Variants in IARS1 observed in about 807,000 individuals in gnomAD.
The protein encoded by IARS1 is isoleucyl-tRNA synthetase 1.
Under a neutral mutation model 168.2 loss-of-function variants are expected in IARS1, and 124 were observed. The observed-to-expected ratio is 0.74, with a 90% CI of 0.64 to 0.86. IARS1 has a LOEUF of 0.86. IARS1 is among the 40% of genes least tolerant of loss of function. IARS1 has a pLI of 0.00. For missense variants in IARS1, 1,452 were observed against 1,515.8 expected (o/e 0.96, Z 0.70); for synonymous variants, 532 against 529.4 (o/e 1.00, Z -0.07).
chr9:92,247,053 G>A (rs1178919618), intron 26 of IARS1, among the ~76,000 whole-genome samples: 3 of 152,038 alleles, frequency 2.0e-5, no homozygotes, highest in Non-Finnish European at 4.4e-5. Context: ...AATTAGCCAG[G>A]CATGGTACTA....
At chr9:92,234,007 T>C (rs1185851172) in intron 30 of IARS1, among the ~76,000 whole-genome samples, 1 of 152,196 alleles carries the variant, frequency 6.6e-6, no homozygotes, top group African/African-American at 2.4e-5. Context: ...GTAATCCTCC[T>C]GCCTAAGCCT....
intron 30 of IARS1, chr9:92,240,557 GC>G: frequency 1.6e-6 from 1 of 639,598 alleles, no homozygotes; most frequent in Non-Finnish European, 2.8e-6. Flanking sequence ...ACCATGCCTG[GC>G]CCTTTTTTTT....
intron 9 of IARS1, among the ~76,000 whole-genome samples, chr9:92,277,293 A>G (rs1190247755): frequency 1.3e-5 from 2 of 152,016 alleles, no homozygotes; most frequent in African/African-American, 2.4e-5. Flanking sequence ...CAAAAATTAC[A>G]GCATGCCTGT....
intron 21 of IARS1, among the ~76,000 whole-genome samples, chr9:92,252,631 G>A (rs1830165861): frequency 6.6e-6 from 1 of 151,724 alleles, no homozygotes. Flanking sequence ...GCCAGGCGTG[G>A]TGGTGCACAC....
intron 33 of IARS1, among the ~76,000 whole-genome samples, chr9:92,220,422 A>T (rs546878978): frequency 1.3e-5 from 2 of 152,020 alleles, no homozygotes; most frequent in South Asian, 4.1e-4. Flanking sequence ...TATAATAATA[A>T]TAAAAATAAT....
chr9:92,222,524 C>A lies in IARS1; in HGVS notation c.3702G>T (p.Thr1234=), dbSNP rs763687468. ...TACGGTCCACAATCTCCTTACCCTG[C>A]GTTTGGGTCTCATTCAGAAACAGCT... ...KLKLFLNETQ[T]QEITEDIPVK... is the part of the protein sequence containing the mutation. Residue 1234 remains threonine, a synonymous_variant, in exon 33 of 34, where the codon ACG becomes ACT. Coordinates refer to ENST00000443024, the MANE Select transcript of IARS1 (RefSeq NM_002161.6). The A allele has an allele frequency of 1.9e-6, 3 of 1,613,508 alleles. No homozygotes were observed. Among genetic ancestry groups the A allele is most frequent in the East Asian group, 2.2e-5 (1 of 44,872 alleles).
At position 92,210,559 on chromosome 9, in the gene IARS1, C is replaced by T. The variant is rs1179815520; in HGVS notation, c.*248G>A. On this transcript the variant is annotated 3_prime_UTR_variant, in exon 34 of 34. Coordinates refer to ENST00000443024, the MANE Select transcript of IARS1 (RefSeq NM_002161.6). The stretch of plus-strand genomic sequence containing the variant: ...CTCAAGTATAGAAATAAACTGTGGG[C>T]TGAAGTAACATTGTAACCTGCTCCC... 1 of 364,930 alleles carries T rather than the reference C, an allele frequency of 2.7e-6. No individual in the cohort carries two copies. Among genetic ancestry groups the T allele is most frequent in the Admixed American group, 4.2e-5 (1 of 23,866 alleles). 22.6% of individuals were successfully genotyped at this position (364,930 alleles called of 1,614,324 possible).
intron 6 of IARS1, among the ~76,000 whole-genome samples, 156 bp downstream of exon 6, chr9:92,285,566 C>A (rs1040245524): frequency 6.6e-6 from 1 of 152,166 alleles, no homozygotes; most frequent in African/African-American, 2.4e-5. Flanking sequence ...TACTAACTGG[C>A]AATATTTCCA....
intron 2 of IARS1, 49 bp from the exon 3 acceptor site, chr9:92,288,331 T>G: frequency 6.4e-7 from 1 of 1,558,600 alleles, no homozygotes; most frequent in Non-Finnish European, 8.8e-7. Context: ...AGCCAAAATT[T>G]AAGGCATTTT....
Position 92,288,148 on chromosome 9 carries a change from C to T in IARS1, c.254G>A (p.Trp85Ter). 6.2e-7 allele frequency: 1 copy of T among 1,613,930 alleles called. No individual in the cohort carries two copies. The highest frequency in any genetic ancestry group is 8.5e-7 in the Non-Finnish European group (1 of 1,179,942). ...TACCACAGGTAAGCCATGGCAATCC[C>T]ATCCAAATCTTCTGTCAACATGAAA... ...SGFHVDRRFG[W>*]DCHGLPVEYE... Residue 85 changes from tryptophan to a stop codon, truncating the protein, a stop_gained, in exon 3 of 34, where the codon TGG becomes TAG. Transcript: ENST00000443024. LOFTEE classifies it high-confidence loss of function.
In IARS1 at chr9:92,250,900, T is replaced by C. The variant is rs1464949810; in HGVS notation, c.2308-66A>G. The C allele has an allele frequency of 6.0e-6, 9 of 1,507,122 alleles. No individual in the cohort carries two copies. The African/African-American group carries it at 1.1e-4, about 19-fold the overall frequency. 93.4% of individuals were successfully genotyped at this position (1,507,122 alleles called of 1,614,324 possible). A position where few individuals can be genotyped will look rare whatever the true frequency, so the allele number is the denominator to read the frequency against. On this transcript the variant is annotated intron_variant, in intron 22 of 33. Transcript: ENST00000443024. The stretch of plus-strand genomic sequence containing the variant: ...CATCAACAACTGATCTCATTTATAC[T>C]GAGAAACAACTAAACATGTTAGAGA...
rs750709544 is a variant in IARS1 at position 92,242,315 on chromosome 9, T to G, written c.3016A>C (p.Thr1006Pro). 2.5e-6 allele frequency: 4 copies of G among 1,612,584 alleles called. No homozygotes were observed. Among genetic ancestry groups the G allele is most frequent in the Middle Eastern group, 1.6e-4 (1 of 6,074 alleles). ...TTATAGTACACTGTGATTTCATCAG[T>G]TGGAACCAGATTGCACTGAAAACAC... ...KLRKKCNLVP[T>P]DEITVYYKAK... Residue 1006 changes from threonine to proline, a missense_variant, in exon 29 of 34, where the codon ACT becomes CCT. By Grantham distance (38) the Thr-to-Pro change is conservative. Transcript: ENST00000443024.
At chr9:92,260,099 T>C in intron 18 of IARS1, 52 bp downstream of exon 18, 1 of 1,194,118 alleles carries the variant, frequency 8.4e-7, no homozygotes, top group South Asian at 1.2e-5. Context: ...GTATAGGAGA[T>C]GCTTACATAA....
chr9:92,221,425 T>C lies in IARS1; in HGVS notation c.3706+1095A>G, dbSNP rs138760188. 4.6e-5 allele frequency among the ~76,000 whole-genome samples: 7 copies of C among 152,310 alleles called. No individual in the cohort carries two copies. The East Asian group carries it at 9.6e-4, about 21-fold the overall frequency. On this transcript the variant is annotated intron_variant, in intron 33 of 33. Transcript: ENST00000443024. ...ATAAAAGGATGGGATGGTAAAAGTC[T>C]TGAATTGAGATGTCAAGAATGGGTA...
At chr9:92,280,984 A>G in intron 6 of IARS1, 91 bp from the exon 7 acceptor site, 1 of 831,884 alleles carries the variant, frequency 1.2e-6, no homozygotes, top group African/African-American at 1.7e-5. Flanking sequence ...GAATAAAATA[A>G]ATCTTCAGGG....
chr9:92,289,501 G>T lies in IARS1; in HGVS notation c.-7-75C>A, dbSNP rs1835981962. 8.1e-6 allele frequency: 6 copies of T among 738,592 alleles called. No individual in the cohort carries two copies. The Admixed American group carries it at 1.2e-4, about 15-fold the overall frequency. The allele number at this position is 738,592 out of a possible 1,614,324, so 45.8% of individuals were successfully genotyped here. ...ACAGAGTACCATATTATTAACATGG[G>T]TGTACATGACACTATCCATACTTTT... is the stretch of plus-strand genomic sequence containing the variant. On this transcript the variant is annotated intron_variant, in intron 1 of 33. Coordinates refer to ENST00000443024, the MANE Select transcript of IARS1 (RefSeq NM_002161.6).
chr9:92,280,726 G>A lies in IARS1; in HGVS notation c.745+20C>T. 6.4e-7 allele frequency: 1 copy of A among 1,563,210 alleles called. No homozygotes were observed. Among genetic ancestry groups the A allele is most frequent in the South Asian group, 1.2e-5 (1 of 83,634 alleles). The stretch of plus-strand genomic sequence containing the variant: ...ATTATCTTATCCATATTAATCATAA[G>A]TAACCAGCCTCCCACTTACCTTTAA... On this transcript the variant is annotated intron_variant, in intron 7 of 33. Transcript: ENST00000443024.
intron 27 of IARS1, among the ~76,000 whole-genome samples, chr9:92,244,047 G>A (rs1327322829): frequency 6.6e-6 from 1 of 152,118 alleles, no homozygotes; most frequent in Non-Finnish European, 1.5e-5. Context: ...GGCATCAGAG[G>A]TAGTGAAATG....
intron 6 of IARS1, among the ~76,000 whole-genome samples, chr9:92,282,274 A>C (rs1022116375): frequency 6.6e-6 from 1 of 152,100 alleles, no homozygotes; most frequent in Non-Finnish European, 1.5e-5. Context: ...CTTTTCTGTG[A>C]GTTTGAAACT....
Sources: allele counts gnomAD v4.1 joint callset (sites outside exome capture counted in the v4.1 genomes callset), GRCh38; gene constraint gnomAD v4.1.1; transcripts MANE v1.5; gene names NCBI Gene and HGNC (gene_info 2026-07-23, HGNC 2026-07-21).